The following BUB1B variants were observed in gnomAD, a reference collection of about 807,000 sequenced individuals.
BUB1B encodes mitotic checkpoint serine/threonine-protein kinase BUB1 beta.
A neutral mutation model predicts 137.7 loss-of-function variants in BUB1B; 86 were observed. The observed-to-expected ratio is 0.62, with a 90% CI of 0.52 to 0.75. The LOEUF is 0.75. BUB1B is among the 30% of genes least tolerant of loss of function. The pLI is 0.00. For synonymous variants in BUB1B, 420 were observed against 417.9 expected (o/e 1.00, Z -0.06); for missense variants, 1,130 against 1,236.9 (o/e 0.91, Z 1.30).
chr15:40,198,989 C>T (rs1187145978), intron 9 of BUB1B, among the ~76,000 whole-genome samples: 2 of 152,158 alleles, frequency 1.3e-5, no homozygotes, highest in Non-Finnish European at 2.9e-5. Flanking sequence ...TTTTTCTATT[C>T]ACCCTCTTAC....
intron 5 of BUB1B, among the ~76,000 whole-genome samples, chr15:40,179,633 G>A (rs1194661443): frequency 6.6e-6 from 1 of 151,946 alleles, no homozygotes; most frequent in Non-Finnish European, 1.5e-5. Flanking sequence ...TTGGGTTTAG[G>A]TCTACTATTT....
At chr15:40,215,613 C>A (rs910359891) in intron 20 of BUB1B, among the ~76,000 whole-genome samples, 1 of 151,874 alleles carries the variant, frequency 6.6e-6, no homozygotes, top group Non-Finnish European at 1.5e-5. Flanking sequence ...ACTAAAAATA[C>A]AACAAGATAG....
At position 40,210,214 on chromosome 15, in the gene BUB1B, G is replaced by C. The variant is rs202108787; in HGVS notation, c.2385+4G>C. 657 of 1,577,306 alleles carry C rather than the reference G, an allele frequency of 4.2e-4. No homozygotes were observed. Among genetic ancestry groups the C allele is most frequent in the Non-Finnish European group, 5.5e-4 (635 of 1,147,434 alleles). Reference sequence around the variant, plus strand: ...TGCAGAATTAACAGTAATAAAGGTGGGACTGATTCTTTATAATTTCAGTTA... The same window carrying C: ...TGCAGAATTAACAGTAATAAAGGTGCGACTGATTCTTTATAATTTCAGTTA... On this transcript the variant is annotated splice_donor_region_variant and intron_variant, in intron 18 of 22. Transcript: ENST00000287598.
Position 40,170,062 on chromosome 15 carries a change from G to A in BUB1B, c.180G>A (p.Arg60=). 6.2e-7 allele frequency: 1 copy of A among 1,613,164 alleles called. No individual in the cohort carries two copies. The highest frequency in any genetic ancestry group is 8.5e-7 in the Non-Finnish European group (1 of 1,179,216). ...ACNNTLQQQK[R]AFEYEIRFYT... is the part of the protein sequence containing the mutation. ...CTAACTTTTTCTGTTTACATTTCAG[G>A]GCATTTGAATATGAAATTCGATTTT... Residue 60 remains arginine, a splice_region_variant and synonymous_variant, in exon 3 of 23, where the codon CGG becomes CGA. Coordinates refer to ENST00000287598, the MANE Select transcript of BUB1B (RefSeq NM_001211.6).
chr15:40,202,365 A>T, intron 12 of BUB1B, 40 bp from the exon 13 acceptor site: 1 of 1,485,346 alleles, frequency 6.7e-7, no homozygotes, highest in South Asian at 1.2e-5. Flanking sequence ...AGAGTAAAGC[A>T]TTTACTCCTA....
chr15:40,185,206 C>G lies in BUB1B; in HGVS notation c.793C>G (p.Gln265Glu), dbSNP rs1288496293. Residue 265 changes from glutamine (Q) to glutamate (E), a missense_variant, in exon 7 of 23, where the codon CAG (glutamine) becomes GAG (glutamate). Physicochemically the swap from Gln to Glu is conservative, Grantham distance 29. Transcript: ENST00000287598. ...AGGACTCCAAAATCCATTTCCTCAA[C>G]AGATGCAAAATAATAGTAGAATTAC... ...NRGLQNPFPQ[Q>E]MQNNSRITVF... 5.0e-6 allele frequency: 8 copies of G among 1,613,992 alleles called. No homozygotes were observed. In the South Asian group the frequency reaches 8.8e-5, roughly 18 times the overall value.
intron 8 of BUB1B, among the ~76,000 whole-genome samples, chr15:40,187,350 TCTC>T (rs1489464448): frequency 1.4e-4 from 21 of 151,996 alleles, no homozygotes; most frequent in Non-Finnish European, 2.5e-4. Context: ...ATGGTCTCGA[TCTC>T]CTGACCTCAT....
intron 20 of BUB1B, among the ~76,000 whole-genome samples, chr15:40,216,620 G>A (rs1410875075): frequency 1.4e-5 from 2 of 139,362 alleles, no homozygotes; most frequent in South Asian, 2.3e-4. Flanking sequence ...GCCAAAAAAG[G>A]TTGGCTCTTG....
At chr15:40,205,712 A>T (rs2037628784) in intron 14 of BUB1B, among the ~76,000 whole-genome samples, 1 of 152,238 alleles carries the variant, frequency 6.6e-6, no homozygotes, top group African/African-American at 2.4e-5. Context: ...AATACAGAGT[A>T]TCATGAATGC....
chr15:40,188,304 A>G (rs1271547286), intron 8 of BUB1B, among the ~76,000 whole-genome samples: 1 of 152,054 alleles, frequency 6.6e-6, no homozygotes. Flanking sequence ...CGGCCTCCCA[A>G]AGTGCTGGGA....
At chr15:40,204,605 A>T (rs2037613821) in intron 14 of BUB1B, among the ~76,000 whole-genome samples, 1 of 151,474 alleles carries the variant, frequency 6.6e-6, no homozygotes, top group South Asian at 2.1e-4. Flanking sequence ...CTTTAATCAC[A>T]TATATAAATA....
rs747803782 is a variant in BUB1B, at chr15:40,212,653, G to C, written c.2535+5G>C. On this transcript the variant is annotated splice_donor_5th_base_variant and intron_variant, in intron 19 of 22. Transcript: ENST00000287598. The stretch of plus-strand genomic sequence containing the variant: ...ATAAACTGCTTCACCCTTCAGGTCT[G>C]TAATACTAAAAACATAATTTAAAGT... The C allele has an allele frequency of 6.2e-7, 1 of 1,611,758 alleles. No homozygotes were observed. Among genetic ancestry groups the C allele is most frequent in the Non-Finnish European group, 8.5e-7 (1 of 1,178,908 alleles).
At chr15:40,184,316 T>C (rs2037333488) in intron 6 of BUB1B, among the ~76,000 whole-genome samples, 1 of 151,994 alleles carries the variant, frequency 6.6e-6, no homozygotes, top group African/African-American at 2.4e-5. Context: ...CATGGACTTT[T>C]TTTTTTTTTG....
chr15:40,171,392 A>G (rs1307817978), intron 4 of BUB1B, among the ~76,000 whole-genome samples: 2 of 152,038 alleles, frequency 1.3e-5, no homozygotes, highest in Admixed American at 1.3e-4. Flanking sequence ...CATAAAGTAC[A>G]GAAATTAACC....
intron 1 of BUB1B, among the ~76,000 whole-genome samples, chr15:40,163,366 CGGTTCAAGACCAGCCTG>C (rs1423511074): frequency 6.6e-6 from 1 of 152,166 alleles, no homozygotes; most frequent in Non-Finnish European, 1.5e-5. Flanking sequence ...TTAAGCTCAG[CGGTTCAAGACCAGCCTG>C]GGCAACATAG....
Position 40,185,223 on chromosome 15 carries a change from T to A in BUB1B, c.810T>A (p.Ser270Arg). Reference sequence around the variant, plus strand: ...TTCCTCAACAGATGCAAAATAATAGTAGAATTACTGTTTTTGATGAAAATG... The same window carrying A: ...TTCCTCAACAGATGCAAAATAATAGAAGAATTACTGTTTTTGATGAAAATG... ...NPFPQQMQNNSRITVFDENAD... is the reference protein window; with the variant it reads ...NPFPQQMQNNRRITVFDENAD... The change falls in exon 7 of 23, where the codon AGT becomes AGA. Residue 270 changes from serine to arginine, a missense_variant. Ser to Arg is a moderately radical substitution (Grantham distance 110, BLOSUM62 -1). Transcript: ENST00000287598. 1 of 1,614,096 alleles carries A rather than the reference T, an allele frequency of 6.2e-7. No individual in the cohort carries two copies.
At position 40,208,785 on chromosome 15, in the gene BUB1B, C is replaced by T. The variant is rs11630664; in HGVS notation, c.2143+15C>T. ...TGAGACTTCAGGTAGGATATACATA[C>T]CACTATATCCATGCCTAGTGAACAC... On this transcript the variant is annotated intron_variant, in intron 16 of 22. Transcript: ENST00000287598. 841,037 of 1,599,102 alleles carry T rather than the reference C, an allele frequency of 0.53. 226,339 individuals carry two copies. The highest frequency in any genetic ancestry group is 0.56 in the Non-Finnish European group (652,271 of 1,167,224).
At position 40,212,530 on chromosome 15, in the gene BUB1B, A is replaced by G. The variant is rs2037727039; in HGVS notation, c.2417A>G (p.Tyr806Cys). The G allele has an allele frequency of 1.2e-6, 2 of 1,613,124 alleles. No homozygotes were observed. Among genetic ancestry groups the G allele is most frequent in the Non-Finnish European group, 1.7e-6 (2 of 1,179,296 alleles). Residue 806 changes from tyrosine (Y) to cysteine (C), a missense_variant, in exon 19 of 23, where the codon TAT becomes TGT. Transcript: ENST00000287598. ...VSSQPVPWDFYINLKLKERLN... is the reference protein window; with the variant it reads ...VSSQPVPWDFCINLKLKERLN... Reference sequence around the variant, plus strand: ...TCTCAACCTGTCCCATGGGACTTTTATATCAACCTCAAGTTAAAGGAACGT... The same window carrying G: ...TCTCAACCTGTCCCATGGGACTTTTGTATCAACCTCAAGTTAAAGGAACGT...
chr15:40,196,552 T>G lies in BUB1B; in HGVS notation c.1066T>G (p.Cys356Gly). The G allele has an allele frequency of 9.3e-6, 15 of 1,613,432 alleles. No individual in the cohort carries two copies. The highest frequency in any genetic ancestry group is 1.2e-5 in the Non-Finnish European group (14 of 1,179,478). Residue 356 changes from cysteine (C) to glycine (G), a missense_variant, in exon 9 of 23, where the codon TGT (cysteine) becomes GGT (glycine). Cys to Gly is a radical substitution (Grantham distance 159, BLOSUM62 -3). Transcript: ENST00000287598. ...GTAATTTTGCTTCTTTAGGACACCATGTAAAATTGAACCTAGTATAAACCA... is the reference window on the plus strand; with the variant it reads ...GTAATTTTGCTTCTTTAGGACACCAGGTAAAATTGAACCTAGTATAAACCA... ...ETARQPVMTP[C>G]KIEPSINHIL...
Sources: allele counts gnomAD v4.1 joint callset (sites outside exome capture counted in the v4.1 genomes callset), GRCh38; gene constraint gnomAD v4.1.1; transcripts MANE v1.5; gene names NCBI Gene and HGNC (gene_info 2026-07-23, HGNC 2026-07-21).